SMC4: variants seen among roughly 807,000 people sequenced by gnomAD.
SMC4 encodes the protein structural maintenance of chromosomes protein 4.
A neutral mutation model predicts 145.6 loss-of-function variants in SMC4; 87 were observed. The ratio of observed to expected loss-of-function variants is 0.60; its 90% CI spans 0.50 to 0.71. The LOEUF (loss-of-function observed/expected upper bound fraction) is 0.71. Ranked by LOEUF, SMC4 falls within the 30% of genes least tolerant of loss-of-function variation. The probability of loss-of-function intolerance (pLI) is 0.00; values close to 1 mark genes in which losing one functional copy is unlikely to be tolerated. For synonymous variants in SMC4, 558 were observed against 500.7 expected, an observed-to-expected ratio of 1.11 and a Z score of -1.53; for missense variants, 1,447 against 1,537.1, an observed-to-expected ratio of 0.94 and a Z score of 0.98.
At chr3:160,432,934 A>G (rs1577002236) in intron 22 of SMC4, 92 bp from the exon 23 acceptor site, 4 of 820,822 alleles carry the variant, frequency 4.9e-6, no homozygotes, top group Non-Finnish European at 7.9e-6. Flanking sequence ...ATTCCTAAAA[A>G]AGATAGTAGA....
In SMC4 at chr3:160,420,803, GA is replaced by G; in HGVS notation, c.1922del (p.Asp641AlafsTer10). On this transcript the variant is annotated frameshift_variant, in exon 13 of 24. Transcript: ENST00000357388. LOFTEE classifies it high-confidence loss of function. ...VAISSCCHAL[D>X]YIVVDSIDIA... ...TATATCATCCTGTTGTCATGCACTG[GA>G]CTACATTGTTGTTGATTCTATTGAT... 6.2e-7 allele frequency: 1 copy of G among 1,614,026 alleles called. No individual in the cohort carries two copies.
At chr3:160,424,687 A>G (rs993608777) in intron 15 of SMC4, among the ~76,000 whole-genome samples, 180 bp from the exon 16 acceptor site, 1 of 152,114 alleles carries the variant, frequency 6.6e-6, no homozygotes, top group African/African-American at 2.4e-5. Flanking sequence ...CGCACCTGTA[A>G]CAGTCCCAGC....
At chr3:160,429,508 T>A (rs1400267770) in intron 18 of SMC4, among the ~76,000 whole-genome samples, 31 of 151,918 alleles carry the variant, frequency 2.0e-4, no homozygotes, top group African/African-American at 7.5e-4. Context: ...AACACCTGGC[T>A]AATTTTTGTA....
intron 1 of SMC4, chr3:160,400,396 C>G (rs1714423043): frequency 6.5e-6 from 1 of 154,260 alleles, no homozygotes; most frequent in African/African-American, 2.4e-5. Flanking sequence ...GACCCGGACA[C>G]GAACTCGTTT....
Position 160,413,538 on chromosome 3 carries a change from A to G in SMC4, c.1046A>G (p.Lys349Arg). ...TQKEKIHEDT[K>R]EINEKSNILS... ...AAGGAAAAAATTCATGAAGATACCA[A>G]AGAAATTAATGAGAAGAGCAATATA... The change falls in exon 8 of 24, where the codon AAA (lysine) becomes AGA (arginine). Residue 349 changes from lysine to arginine, a missense_variant. By Grantham distance (26) the Lys-to-Arg change is conservative. Transcript: ENST00000357388. 6.3e-7 allele frequency: 1 copy of G among 1,579,936 alleles called. No individual in the cohort carries two copies. The highest frequency in any genetic ancestry group is 8.6e-7 in the Non-Finnish European group (1 of 1,163,342).
chr3:160,411,984 T>C lies in SMC4; in HGVS notation c.752T>C (p.Leu251Pro). 3 of 1,613,698 alleles carry C rather than the reference T, an allele frequency of 1.9e-6. No homozygotes were observed. The highest frequency in any genetic ancestry group is 2.5e-6 in the Non-Finnish European group (3 of 1,179,788). Residue 251 changes from leucine (L) to proline (P), a missense_variant, in exon 6 of 24, where the codon CTT becomes CCT. By Grantham distance (98) the Leu-to-Pro change is moderately conservative. Coordinates refer to ENST00000357388, the MANE Select transcript of SMC4 (RefSeq NM_001002800.3). Reference protein sequence around the residue: ...KGQTEHDEGMLEYLEDIIGCG... With the variant: ...KGQTEHDEGMPEYLEDIIGCG... ...CAGACTGAACACGATGAGGGTATGC[T>C]TGAATATTTAGAAGATATAATTGGT...
Position 160,433,901 on chromosome 3 carries a change from C to A in SMC4, c.*92C>A. On this transcript the variant is annotated 3_prime_UTR_variant, in exon 24 of 24. Transcript: ENST00000357388. The stretch of plus-strand genomic sequence containing the variant: ...TATGAGTTGTATAAAATACATACTC[C>A]CTAAACTAGATCATGAAACTGGTTT... The A allele has an allele frequency of 1.1e-6, 1 of 877,876 alleles. No individual in the cohort carries two copies. 54.4% of individuals were successfully genotyped at this position (877,876 alleles called of 1,614,324 possible).
rs755896783 is a variant in SMC4 at position 160,402,665 on chromosome 3, T to A, written c.319-11T>A. ...ACTTTTCCGTGTTTTGTTTTTGTTT[T>A]TTTAATGCAGCGCTTTTCCTGTATT... On this transcript the variant is annotated splice_polypyrimidine_tract_variant and intron_variant, in intron 3 of 23. Coordinates refer to ENST00000357388, the MANE Select transcript of SMC4 (RefSeq NM_001002800.3). The A allele has an allele frequency of 1.3e-6, 2 of 1,595,938 alleles. No homozygotes were observed. Among genetic ancestry groups the A allele is most frequent in the Non-Finnish European group, 1.7e-6 (2 of 1,175,830 alleles).
Position 160,433,791 on chromosome 3 carries a change from A to G in SMC4, c.3849A>G (p.Ala1283=), listed in dbSNP as rs386352362. The G allele has an allele frequency of 1.9e-6, 3 of 1,603,380 alleles. No individual in the cohort carries two copies. The highest frequency in any genetic ancestry group is 2.3e-5 in the South Asian group (2 of 87,624). The change falls in exon 24 of 24, where the codon GCA becomes GCG. Residue 1283 remains alanine, a synonymous_variant. Coordinates refer to ENST00000357388, the MANE Select transcript of SMC4 (RefSeq NM_001002800.3). ...TTGCTGTAAATCCAAAAGAAATTGC[A>G]TCTAAGGGACTTTGTTGAACTTTAT... The part of the protein sequence containing the change: ...KSVAVNPKEI[A]SKGLC
At position 160,433,873 on chromosome 3, in the gene SMC4, G is replaced by T; in HGVS notation, c.*64G>T. 1 of 1,274,932 alleles carries T rather than the reference G, an allele frequency of 7.8e-7. No individual in the cohort carries two copies. The highest frequency in any genetic ancestry group is 1.4e-5 in the South Asian group (1 of 72,184). 79.0% of individuals were successfully genotyped at this position (1,274,932 alleles called of 1,614,324 possible). ...TACTGATTTTTTTCTATTTGTAAAG[G>T]ATTATGAGTTGTATAAAATACATAC... On this transcript the variant is annotated 3_prime_UTR_variant, in exon 24 of 24. Transcript: ENST00000357388.
Position 160,423,763 on chromosome 3 carries a change from A to T in SMC4, c.2248A>T (p.Thr750Ser). ...LQGQIIEQSG[T>S]MTGGGSKVMK... ...GACTTCTCTCCCCTGTTTTCCAGGT[A>T]CAATGACTGGTGGTGGAAGCAAAGT... Residue 750 changes from threonine (T) to serine (S), a missense_variant and splice_region_variant, in exon 15 of 24, where the codon ACA (threonine) becomes TCA (serine). Thr to Ser is a moderately conservative substitution (Grantham distance 58). Coordinates refer to ENST00000357388, the MANE Select transcript of SMC4 (RefSeq NM_001002800.3). The T allele has an allele frequency of 4.3e-6, 7 of 1,613,596 alleles. No individual in the cohort carries two copies. The highest frequency in any genetic ancestry group is 5.9e-6 in the Non-Finnish European group (7 of 1,179,734).
intron 12 of SMC4, 43 bp downstream of exon 12, chr3:160,419,586 T>C (rs771039824): frequency 6.6e-7 from 1 of 1,524,404 alleles, no homozygotes; most frequent in African/African-American, 1.4e-5. Context: ...TTTTTTTTTT[T>C]AAGAAAGTGT....
Position 160,402,601 on chromosome 3 carries a change from G to A in SMC4, c.319-75G>A, listed in dbSNP as rs377742853. The A allele has an allele frequency of 1.7e-4, 240 of 1,448,686 alleles. 1 individual carries two copies. In the African/African-American group the frequency reaches 2.3e-3, roughly 14 times the overall value. The allele number at this position is 1,448,686 out of a possible 1,614,324, so 89.7% of individuals were successfully genotyped here. A position where few individuals can be genotyped will look rare whatever the true frequency, so the allele number is the denominator to read the frequency against. On this transcript the variant is annotated intron_variant, in intron 3 of 23. Coordinates refer to ENST00000357388, the MANE Select transcript of SMC4 (RefSeq NM_001002800.3). ...TAACTGCAAGTAAAAAAATCTAACA[G>A]TTTCAGTTAAAATCAGTAGTATTAG...
At chr3:160,431,604 T>C (rs761434476) in intron 20 of SMC4, 39 bp from the exon 21 acceptor site, 2 of 1,433,122 alleles carry the variant, frequency 1.4e-6, no homozygotes, top group South Asian at 1.3e-5. Flanking sequence ...GTATGTAATA[T>C]TATGCCTTCT....
chr3:160,417,731 G>T lies in SMC4; in HGVS notation c.1446G>T (p.Glu482Asp). ...AACTCATATTTTAACAGAGTCGAGA[G>T]AAAGAACTTATGGGTTTCAGCAAAT... ...QGLQKEKESR[E>D]KELMGFSKSV... The change falls in exon 11 of 24, where the codon GAG (glutamate) becomes GAT (aspartate). Residue 482 changes from glutamate (E) to aspartate (D), a missense_variant. By Grantham distance (45) the Glu-to-Asp change is conservative. Transcript: ENST00000357388. The T allele has an allele frequency of 6.2e-7, 1 of 1,610,648 alleles. No individual in the cohort carries two copies. The highest frequency in any genetic ancestry group is 1.7e-5 in the Admixed American group (1 of 59,754).
chr3:160,413,749 A>C (rs1305846362), intron 8 of SMC4, 136 bp downstream of exon 8: 2 of 530,394 alleles, frequency 3.8e-6, no homozygotes, highest in African/African-American at 2.0e-5. Context: ...CTTAGTGAAA[A>C]AAAAAAACTT....
chr3:160,406,019 T>C (rs1466043100), intron 5 of SMC4, among the ~76,000 whole-genome samples: 2 of 152,038 alleles, frequency 1.3e-5, no homozygotes, highest in African/African-American at 4.8e-5. Flanking sequence ...GGATAATTTT[T>C]TTCTCTGTAC....
chr3:160,407,922 C>T (rs1715526501), intron 5 of SMC4, among the ~76,000 whole-genome samples: 1 of 152,072 alleles, frequency 6.6e-6, no homozygotes, highest in African/African-American at 2.4e-5. Flanking sequence ...TAGAAAGATA[C>T]TAACCTTGGT....
At chr3:160,413,661 C>A in intron 8 of SMC4, 48 bp downstream of exon 8, 1 of 1,027,190 alleles carries the variant, frequency 9.7e-7, no homozygotes, top group Non-Finnish European at 1.4e-6. Flanking sequence ...AATTGTATTA[C>A]ATGTGTATTT....
Sources: gnomAD v4.1 joint callset for allele counts (sites outside exome capture counted in the v4.1 genomes callset) on GRCh38, gnomAD v4.1.1 for gene constraint, MANE v1.5 for transcripts, NCBI Gene and HGNC (gene_info 2026-07-23, HGNC 2026-07-21) for gene names.